SDC2: variants seen among roughly 807,000 people sequenced by gnomAD.
SDC2 encodes syndecan 2.
Under a neutral mutation model 22.2 loss-of-function variants are expected in SDC2, and 13 were observed. The observed-to-expected ratio is 0.59, with a 90% CI of 0.38 to 0.93. The LOEUF is 0.93. Among genes scored for constraint, SDC2 ranks in the 40% least tolerant of loss-of-function variants. The pLI is 0.00. For synonymous variants in SDC2, 94 were observed against 92.8 expected (o/e 1.01, Z -0.07); for missense variants, 235 against 246.8 (o/e 0.95, Z 0.32).
rs114642603 is a variant in SDC2 at position 96,565,783 on chromosome 8, C to T, written c.61-27697C>T. 1.6e-3 allele frequency among the ~76,000 whole-genome samples: 244 copies of T among 152,152 alleles called. 2 individuals are homozygous for T. Among genetic ancestry groups the T allele is most frequent in the African/African-American group, 5.1e-3 (210 of 41,490 alleles). On this transcript the variant is annotated intron_variant, in intron 1 of 4. Transcript: ENST00000302190. ...ACTGCAATAAAGAGATTGAATGTAA[C>T]GGCGTTCCTCCTGGGGATGGGAGGT... is the stretch of plus-strand genomic sequence containing the variant.
At chr8:96,553,469 T>A (rs566279901) in intron 1 of SDC2, among the ~76,000 whole-genome samples, 1 of 151,196 alleles carries the variant, frequency 6.6e-6, no homozygotes, top group Non-Finnish European at 1.5e-5. Context: ...TTTTTTCTTT[T>A]AAGTCCACAA....
intron 1 of SDC2, among the ~76,000 whole-genome samples, chr8:96,586,774 T>A (rs1319131009): frequency 6.6e-6 from 1 of 152,240 alleles, no homozygotes; most frequent in African/African-American, 2.4e-5. Context: ...GGGTTTGTTT[T>A]CCTAATACGC....
At chr8:96,554,841 G>C (rs1814083825) in intron 1 of SDC2, among the ~76,000 whole-genome samples, 1 of 152,178 alleles carries the variant, frequency 6.6e-6, no homozygotes, top group South Asian at 2.1e-4. Context: ...TTCAAACCCT[G>C]TTGTTCCCTG....
intron 1 of SDC2, among the ~76,000 whole-genome samples, chr8:96,565,534 T>A (rs1814286163): frequency 6.6e-6 from 1 of 152,172 alleles, no homozygotes; most frequent in African/African-American, 2.4e-5. Context: ...TATATGTATA[T>A]GTATTAGGAT....
chr8:96,608,554 C>CT, intron 4 of SDC2, 84 bp downstream of exon 4: 1 of 1,238,754 alleles, frequency 8.1e-7, no homozygotes, highest in Non-Finnish European at 1.1e-6. Context: ...TGCAGCAAAG[C>CT]TTGCTGTCAT....
intron 1 of SDC2, among the ~76,000 whole-genome samples, chr8:96,504,611 T>G (rs1276249200): frequency 6.6e-6 from 1 of 152,232 alleles, no homozygotes; most frequent in Non-Finnish European, 1.5e-5. Context: ...TGACCCATAG[T>G]AGGTGATTTA....
intron 1 of SDC2, among the ~76,000 whole-genome samples, chr8:96,561,120 T>G (rs1814202966): frequency 6.6e-6 from 1 of 151,924 alleles, no homozygotes; most frequent in Admixed American, 6.6e-5. Flanking sequence ...ATAATAATAA[T>G]CATAATAATA....
chr8:96,529,491 G>T (rs1393484874), intron 1 of SDC2, among the ~76,000 whole-genome samples: 1 of 152,136 alleles, frequency 6.6e-6, no homozygotes, highest in Admixed American at 6.5e-5. Context: ...TACGAGTGAC[G>T]GCTATGGCTG....
intron 1 of SDC2, among the ~76,000 whole-genome samples, chr8:96,565,787 G>A (rs748618632): frequency 7.9e-5 from 12 of 152,116 alleles, no homozygotes; most frequent in Admixed American, 2.6e-4. Flanking sequence ...ATGTAACGGC[G>A]TTCCTCCTGG....
At chr8:96,570,353 A>G (rs149830387) in intron 1 of SDC2, among the ~76,000 whole-genome samples, 188 of 152,332 alleles carry the variant, frequency 1.2e-3, no homozygotes, top group African/African-American at 4.4e-3. Context: ...TTTCAAAAGC[A>G]TCTGCCTTAA....
intron 1 of SDC2, among the ~76,000 whole-genome samples, chr8:96,553,167 G>A (rs567758580): frequency 6.6e-6 from 1 of 152,216 alleles, no homozygotes; most frequent in South Asian, 2.1e-4. Context: ...AAATAGAAAT[G>A]TGTCTGTGAG....
Position 96,511,197 on chromosome 8 carries a change from A to C in SDC2, c.60+16866A>C, listed in dbSNP as rs113030433. Among the ~76,000 whole-genome samples, 323 of 152,300 alleles carry C rather than the reference A, an allele frequency of 2.1e-3. 2 individuals are homozygous for C. The highest frequency in any genetic ancestry group is 7.2e-3 in the African/African-American group (300 of 41,566). On this transcript the variant is annotated intron_variant, in intron 1 of 4. Coordinates refer to ENST00000302190, the MANE Select transcript of SDC2 (RefSeq NM_002998.4). ...TCTGAGCTACGGTTCTCACCTTGACAGCACAGACACTATTGAGAGTCCCTG... is the reference window on the plus strand; with the variant it reads ...TCTGAGCTACGGTTCTCACCTTGACCGCACAGACACTATTGAGAGTCCCTG...
At chr8:96,545,592 A>G (rs1402396561) in intron 1 of SDC2, among the ~76,000 whole-genome samples, 1 of 152,214 alleles carries the variant, frequency 6.6e-6, no homozygotes, top group African/African-American at 2.4e-5. Context: ...AAGGAGGGCA[A>G]GGAGGATGCT....
intron 1 of SDC2, among the ~76,000 whole-genome samples, chr8:96,575,574 G>A (rs1376556297): frequency 3.3e-5 from 5 of 151,894 alleles, no homozygotes; most frequent in Admixed American, 6.6e-5. Flanking sequence ...TTCATGCCAC[G>A]AACAATTTCT....
At chr8:96,578,002 A>G (rs1345061132) in intron 1 of SDC2, among the ~76,000 whole-genome samples, 1 of 152,234 alleles carries the variant, frequency 6.6e-6, no homozygotes, top group Non-Finnish European at 1.5e-5. Context: ...TGTTTTACAC[A>G]AATGATAGGA....
intron 1 of SDC2, among the ~76,000 whole-genome samples, chr8:96,526,817 C>T (rs906479069): frequency 1.3e-5 from 2 of 152,100 alleles, no homozygotes; most frequent in Non-Finnish European, 2.9e-5. Flanking sequence ...CCCTGACGAT[C>T]CATTGGTAGA....
At chr8:96,570,896 G>T (rs1257126261) in intron 1 of SDC2, among the ~76,000 whole-genome samples, 1 of 152,162 alleles carries the variant, frequency 6.6e-6, no homozygotes, top group African/African-American at 2.4e-5. Flanking sequence ...AATTAGAACA[G>T]TGGTTACCGG....
intron 1 of SDC2, among the ~76,000 whole-genome samples, chr8:96,544,132 C>T (rs1314250457): frequency 1.3e-5 from 2 of 152,098 alleles, no homozygotes; most frequent in Admixed American, 1.3e-4. Flanking sequence ...TTTACAATTG[C>T]TTTTCTGTTT....
intron 1 of SDC2, among the ~76,000 whole-genome samples, chr8:96,514,477 C>G (rs1813373088): frequency 6.6e-6 from 1 of 152,192 alleles, no homozygotes; most frequent in Admixed American, 6.5e-5. Context: ...CAGGGACACT[C>G]ATGCTGGACC....
Sources: gnomAD v4.1 joint callset for allele counts (sites outside exome capture counted in the v4.1 genomes callset) on GRCh38, gnomAD v4.1.1 for gene constraint, MANE v1.5 for transcripts, NCBI Gene and HGNC (gene_info 2026-07-23, HGNC 2026-07-21) for gene names.